Variants in CDKN1A observed in about 807,000 individuals in gnomAD.
The protein encoded by CDKN1A is cyclin-dependent kinase inhibitor 1.
Under a neutral mutation model 14.8 loss-of-function variants are expected in CDKN1A, and 14 were observed. That is an observed-to-expected ratio of 0.94 (90% CI 0.62 to 1.48). The LOEUF (loss-of-function observed/expected upper bound fraction) is 1.48. Among genes scored for constraint, CDKN1A ranks in the 40% most tolerant of loss-of-function variants. CDKN1A has a pLI of 0.00. For missense variants in CDKN1A, 203 were observed against 231.7 expected (o/e 0.88, Z 0.80); for synonymous variants, 92 against 93.5 (o/e 0.98, Z 0.09).
intron 1 of CDKN1A, among the ~76,000 whole-genome samples, chr6:36,681,332 C>CTTTCTTTCT (rs1384036279): frequency 9.7e-5 from 6 of 61,948 alleles, no homozygotes; most frequent in Non-Finnish European, 1.5e-4. Context: ...TTCTTTCTTT[C>CTTTCTTTCT]TTTTTCTTTC....
At chr6:36,677,780 T>C (rs1356536571), upstream of CDKN1A, 28 of 857,612 alleles carry the variant, frequency 3.3e-5, no homozygotes, top group East Asian at 1.0e-3. Context: ...CTGCATGATC[T>C]GAGTTAGGTC....
Position 36,684,021 on chromosome 6 carries a change from C to T in CDKN1A, c.-5-76C>T. 7.0e-7 allele frequency: 1 copy of T among 1,430,556 alleles called. No homozygotes were observed. The highest frequency in any genetic ancestry group is 1.2e-5 in the South Asian group (1 of 82,954). 88.6% of individuals were successfully genotyped at this position (1,430,556 alleles called of 1,614,324 possible). Reference sequence around the variant, plus strand: ...GGTAGGAAGACGTCACCTGAGGTGACACAGCAAAGCCCGGCCAGGTAACAT... The same window carrying T: ...GGTAGGAAGACGTCACCTGAGGTGATACAGCAAAGCCCGGCCAGGTAACAT... On this transcript the variant is annotated intron_variant, in intron 1 of 2. Coordinates refer to ENST00000244741, the MANE Select transcript of CDKN1A (RefSeq NM_000389.5). The surrounding 1 kb of genome is among the most constrained non-coding windows in gnomAD (Gnocchi z 6.0).
rs1761785239 is a variant in CDKN1A at position 36,678,788 on chromosome 6, A to C, written c.-16A>C. 5 of 985,850 alleles carry C rather than the reference A, an allele frequency of 5.1e-6. No individual in the cohort carries two copies. The highest frequency in any genetic ancestry group is 6.0e-6 in the Non-Finnish European group (5 of 830,236). 61.1% of individuals were successfully genotyped at this position (985,850 alleles called of 1,614,324 possible). A position where few individuals can be genotyped will look rare whatever the true frequency, so the allele number is the denominator to read the frequency against. ...CGCGGATTCGCCGAGGCACCGAGGC[A>C]CTCAGAGGAGGTGAGAGAGCGGCGG... On this transcript the variant is annotated 5_prime_UTR_variant, in exon 1 of 3. Coordinates refer to ENST00000244741, the MANE Select transcript of CDKN1A (RefSeq NM_000389.5). The surrounding 1 kb of genome is among the most constrained non-coding windows in gnomAD (Gnocchi z 5.7).
chr6:36,681,346 C>CTTTT (rs1562038228), intron 1 of CDKN1A, among the ~76,000 whole-genome samples: 1 of 110,136 alleles, frequency 9.1e-6, no homozygotes, highest in African/African-American at 3.4e-5. Flanking sequence ...TTCTTTCTTT[C>CTTTT]TTTCTTTTTC....
At position 36,684,602 on chromosome 6, in the gene CDKN1A, G is replaced by A. The variant is rs1164240176; in HGVS notation, c.445+56G>A. The A allele has an allele frequency of 6.5e-7, 1 of 1,535,660 alleles. No individual in the cohort carries two copies. Among genetic ancestry groups the A allele is most frequent in the South Asian group, 1.1e-5 (1 of 88,790 alleles). ...AGGGACCAGGATTCTCAGAATCCAT[G>A]GTCCAAGGGCTGACCTGTCTGGTCC... On this transcript the variant is annotated intron_variant, in intron 2 of 2. Transcript: ENST00000244741. This position sits in a 1 kb window ranked among gnomAD's most constrained non-coding sequence, Gnocchi z 6.0.
chr6:36,682,294 C>T (rs1762044578), intron 1 of CDKN1A, among the ~76,000 whole-genome samples: 1 of 152,232 alleles, frequency 6.6e-6, no homozygotes. Context: ...CTGCTTAGAA[C>T]AGCCCCCAAA....
upstream of CDKN1A, chr6:36,678,227 G>T: frequency 1.9e-5 from 4 of 211,926 alleles, no homozygotes; most frequent in Admixed American, 5.6e-5. The surrounding 1 kb of genome is among the most constrained non-coding windows in gnomAD (Gnocchi z 5.7). Context: ...ATATTGTGGG[G>T]CTTTTCTGGA....
In CDKN1A at chr6:36,684,681, T is replaced by A; in HGVS notation, c.445+135T>A. 2.5e-6 allele frequency: 2 copies of A among 808,472 alleles called. No homozygotes were observed. The highest frequency in any genetic ancestry group is 4.1e-6 in the Non-Finnish European group (2 of 485,618). The allele number at this position is 808,472 out of a possible 1,614,324, so 50.1% of individuals were successfully genotyped here. On this transcript the variant is annotated intron_variant, in intron 2 of 2. Coordinates refer to ENST00000244741, the MANE Select transcript of CDKN1A (RefSeq NM_000389.5). This position sits in a 1 kb window ranked among gnomAD's most constrained non-coding sequence, Gnocchi z 6.0. ...ACAGGCCCAGAGAGGGGAAGCAACC[T>A]CCCTGAGGTCACACAGCAAGTAGGC...
chr6:36,684,505 G>A lies in CDKN1A; in HGVS notation c.404G>A (p.Gly135Glu). The change falls in exon 2 of 3, where the codon GGA becomes GAA. Residue 135 changes from glycine (G) to glutamate (E), a missense_variant. By Grantham distance (98) the Gly-to-Glu change is moderately conservative (BLOSUM62 -2). Transcript: ENST00000244741. This position sits in a 1 kb window ranked among gnomAD's most constrained non-coding sequence, Gnocchi z 6.0. ...EQAEGSPGGP[G>E]DSQGRKRRQT... ...GCTGAAGGGTCCCCAGGTGGACCTG[G>A]AGACTCTCAGGGTCGAAAACGGCGG... is the stretch of plus-strand genomic sequence containing the variant. 2 of 1,614,222 alleles carry A rather than the reference G, an allele frequency of 1.2e-6. No homozygotes were observed. Among genetic ancestry groups the A allele is most frequent in the Non-Finnish European group, 1.7e-6 (2 of 1,180,034 alleles).
At position 36,684,155 on chromosome 6, in the gene CDKN1A, C is replaced by T. The variant is rs1762108775; in HGVS notation, c.54C>T (p.Cys18=). 6.2e-7 allele frequency: 1 copy of T among 1,612,594 alleles called. No individual in the cohort carries two copies. Residue 18 remains cysteine, a synonymous_variant, in exon 2 of 3, where the codon TGC becomes TGT. Coordinates refer to ENST00000244741, the MANE Select transcript of CDKN1A (RefSeq NM_000389.5). The surrounding 1 kb of genome is among the most constrained non-coding windows in gnomAD (Gnocchi z 6.0). ...VRQNPCGSKA[C]RRLFGPVDSE... is the part of the protein sequence containing the mutation. ...AGAACCCATGCGGCAGCAAGGCCTG[C>T]CGCCGCCTCTTCGGCCCAGTGGACA...
rs1204749614 is a variant in CDKN1A at position 36,683,988 on chromosome 6, G to A, written c.-5-109G>A. The A allele has an allele frequency of 4.8e-6, 5 of 1,050,430 alleles. No homozygotes were observed. The East Asian group carries it at 7.7e-5, about 16-fold the overall frequency. 65.1% of individuals were successfully genotyped at this position (1,050,430 alleles called of 1,614,324 possible). On this transcript the variant is annotated intron_variant, in intron 1 of 2. Transcript: ENST00000244741. Reference sequence around the variant, plus strand: ...AAGACCAGCTGGAAGGAGTGAGAGAGACCCTCTGGTAGGAAGACGTCACCT... The same window carrying A: ...AAGACCAGCTGGAAGGAGTGAGAGAAACCCTCTGGTAGGAAGACGTCACCT...
intron 1 of CDKN1A, among the ~76,000 whole-genome samples, chr6:36,681,051 C>A (rs896394324): frequency 6.6e-6 from 1 of 152,142 alleles, no homozygotes; most frequent in Non-Finnish European, 1.5e-5. Context: ...CTTGATGAAG[C>A]CCTAGGCGGG....
chr6:36,677,649 T>C (rs1761737977), upstream of CDKN1A: 1 of 410,310 alleles, frequency 2.4e-6, no homozygotes, highest in African/African-American at 2.0e-5. Flanking sequence ...CCATAAACCA[T>C]CTGCAAATGA....
chr6:36,684,235 C>T lies in CDKN1A; in HGVS notation c.134C>T (p.Ala45Val), dbSNP rs1762115693. Residue 45 changes from alanine to valine, a missense_variant, in exon 2 of 3, where the codon GCC becomes GTC. Ala to Val is a moderately conservative substitution (Grantham distance 64, BLOSUM62 0). Coordinates refer to ENST00000244741, the MANE Select transcript of CDKN1A (RefSeq NM_000389.5). The surrounding 1 kb of genome is among the most constrained non-coding windows in gnomAD (Gnocchi z 6.0). ...DALMAGCIQE[A>V]RERWNFDFVT... is the part of the protein sequence containing the mutation. ...CTAATGGCGGGCTGCATCCAGGAGG[C>T]CCGTGAGCGATGGAACTTCGACTTT... is the stretch of plus-strand genomic sequence containing the variant. The T allele has an allele frequency of 6.2e-7, 1 of 1,611,992 alleles. No individual in the cohort carries two copies. The highest frequency in any genetic ancestry group is 1.3e-5 in the African/African-American group (1 of 74,926).
At position 36,684,897 on chromosome 6, in the gene CDKN1A, T is replaced by C. The variant is rs1762149231; in HGVS notation, c.445+351T>C. Among the ~76,000 whole-genome samples, 1 of 152,176 alleles carries C rather than the reference T, an allele frequency of 6.6e-6. No homozygotes were observed. The highest frequency in any genetic ancestry group is 1.5e-5 in the Non-Finnish European group (1 of 68,024). On this transcript the variant is annotated intron_variant, in intron 2 of 2. Coordinates refer to ENST00000244741, the MANE Select transcript of CDKN1A (RefSeq NM_000389.5). This position sits in a 1 kb window ranked among gnomAD's most constrained non-coding sequence, Gnocchi z 6.0. Reference sequence around the variant, plus strand: ...GCCAGACTGGAGTGCAGTGATACGATCATGGCTCACTGCAGCTTCAAACTC... The same window carrying C: ...GCCAGACTGGAGTGCAGTGATACGACCATGGCTCACTGCAGCTTCAAACTC...
upstream of CDKN1A, chr6:36,678,575 C>G: frequency 2.5e-6 from 2 of 809,368 alleles, no homozygotes; most frequent in Non-Finnish European, 3.0e-6. The surrounding 1 kb of genome is among the most constrained non-coding windows in gnomAD (Gnocchi z 5.7). Context: ...TCAGCTGGCT[C>G]GGCGCTGGGC....
upstream of CDKN1A, among the ~76,000 whole-genome samples, chr6:36,677,426 T>C (rs733590): frequency 0.41 from 62,507 of 151,954 alleles, 13,635 homozygotes; most frequent in African/African-American, 0.55. Context: ...TTCTGTTTTT[T>C]AGTGGGATTT....
intron 1 of CDKN1A, among the ~76,000 whole-genome samples, chr6:36,681,130 C>T (rs1761925953): frequency 6.6e-6 from 1 of 152,160 alleles, no homozygotes; most frequent in African/African-American, 2.4e-5. Context: ...AGTGTGTCTC[C>T]GCTTGGCTGG....
chr6:36,681,845 C>G (rs1189753207), intron 1 of CDKN1A, among the ~76,000 whole-genome samples: 1 of 152,020 alleles, frequency 6.6e-6, no homozygotes, highest in Non-Finnish European at 1.5e-5. Context: ...CCGCCCTCCT[C>G]GGCCTCCCAA....
Sources: allele counts gnomAD v4.1 joint callset (sites outside exome capture counted in the v4.1 genomes callset), GRCh38; gene constraint gnomAD v4.1.1; non-coding constraint Gnocchi (gnomAD v3.1); transcripts MANE v1.5; gene names NCBI Gene and HGNC (gene_info 2026-07-23, HGNC 2026-07-21).